The following ATP8A2 variants were observed in gnomAD, a reference collection of about 807,000 sequenced individuals.
ATP8A2 encodes phospholipid-transporting ATPase IB.
A neutral mutation model predicts 165.6 loss-of-function variants in ATP8A2; 100 were observed. That is an observed-to-expected ratio of 0.60 (90% CI 0.51 to 0.71). The LOEUF is 0.71. Ranked by LOEUF, ATP8A2 falls within the 30% of genes least tolerant of loss-of-function variation. The pLI is 0.00. For synonymous variants in ATP8A2, 543 were observed against 548.8 expected (o/e 0.99, Z 0.15); for missense variants, 1,227 against 1,479.5 (o/e 0.83, Z 2.80).
intron 1 of ATP8A2, among the ~76,000 whole-genome samples, chr13:25,393,792 T>C (rs9511783): frequency 0.28 from 42,625 of 152,118 alleles, 6,623 homozygotes; most frequent in African/African-American, 0.41. Context: ...ATGTTGTGCA[T>C]GCCTTGACTA....
chr13:25,938,659 T>A (rs1566285633), intron 33 of ATP8A2, among the ~76,000 whole-genome samples: 1 of 152,130 alleles, frequency 6.6e-6, no homozygotes, highest in Non-Finnish European at 1.5e-5. Flanking sequence ...AAGCTGCTCA[T>A]CCACCATGGA....
intron 25 of ATP8A2, among the ~76,000 whole-genome samples, chr13:25,726,630 G>T (rs2138061549): frequency 6.6e-6 from 1 of 152,144 alleles, no homozygotes; most frequent in East Asian, 1.9e-4. Flanking sequence ...TGGACACTTG[G>T]AATTCCATTT....
chr13:25,754,363 G>T (rs1422308937), intron 25 of ATP8A2, among the ~76,000 whole-genome samples: 1 of 151,880 alleles, frequency 6.6e-6, no homozygotes, highest in Non-Finnish European at 1.5e-5. Flanking sequence ...CTTTCTGTTT[G>T]CATTTTAGGA....
At chr13:25,651,087 A>G (rs2041800510) in intron 24 of ATP8A2, among the ~76,000 whole-genome samples, 3 of 152,188 alleles carry the variant, frequency 2.0e-5, no homozygotes, top group African/African-American at 4.8e-5. Context: ...AATGCTTGAT[A>G]GAACTCACTT....
chr13:25,785,883 C>T (rs1446914510), intron 27 of ATP8A2, among the ~76,000 whole-genome samples: 1 of 152,176 alleles, frequency 6.6e-6, no homozygotes, highest in African/African-American at 2.4e-5. Context: ...TGACGTATCA[C>T]TACCATGATG....
rs769430654 is a variant in ATP8A2, at chr13:25,959,472, C to T, written c.3184-2103C>T. Among the ~76,000 whole-genome samples, 16 of 152,230 alleles carry T rather than the reference C, an allele frequency of 1.1e-4. No homozygotes were observed. The East Asian group carries it at 1.5e-3, about 15-fold the overall frequency. On this transcript the variant is annotated intron_variant, in intron 33 of 36. Transcript: ENST00000381655. ...TTGTAAAGGTAAGGAAATACCAAAA[C>T]GAGACTACAAAAATGATGGTATCTA...
intron 1 of ATP8A2, among the ~76,000 whole-genome samples, chr13:25,437,146 C>T (rs886259692): frequency 2.0e-5 from 3 of 152,072 alleles, no homozygotes; most frequent in African/African-American, 7.2e-5. Flanking sequence ...TTTTGATTTG[C>T]GTTTCTCTGA....
chr13:25,809,740 C>G (rs1404505379), intron 27 of ATP8A2, among the ~76,000 whole-genome samples: 9 of 152,100 alleles, frequency 5.9e-5, no homozygotes, highest in Admixed American at 2.0e-4. Context: ...TTACTTGTGT[C>G]CTCACTGGTC....
intron 2 of ATP8A2, among the ~76,000 whole-genome samples, chr13:25,516,611 G>A (rs2037479760): frequency 6.6e-6 from 1 of 152,074 alleles, no homozygotes; most frequent in Admixed American, 6.5e-5. Flanking sequence ...GTTGAGGCCA[G>A]ATATTTTTAT....
intron 27 of ATP8A2, among the ~76,000 whole-genome samples, chr13:25,788,848 C>T (rs2045097122): frequency 6.6e-6 from 1 of 152,166 alleles, no homozygotes; most frequent in South Asian, 2.1e-4. Flanking sequence ...AGAAATCATT[C>T]TCTGCACATC....
At chr13:25,731,297 A>AG (rs1555256723) in intron 25 of ATP8A2, among the ~76,000 whole-genome samples, 1 of 149,998 alleles carries the variant, frequency 6.7e-6, no homozygotes, top group African/African-American at 2.5e-5. Flanking sequence ...AGAGAGAGAG[A>AG]AAGAAAGAAA....
intron 27 of ATP8A2, among the ~76,000 whole-genome samples, chr13:25,796,486 GA>G (rs1950500930): frequency 6.6e-6 from 1 of 152,184 alleles, no homozygotes; most frequent in Non-Finnish European, 1.5e-5. Flanking sequence ...GGACACACAT[GA>G]AACCCATTTT....
chr13:25,545,795 C>G (rs535949097), intron 10 of ATP8A2, among the ~76,000 whole-genome samples: 1 of 152,104 alleles, frequency 6.6e-6, no homozygotes, highest in Non-Finnish European at 1.5e-5. Flanking sequence ...CCACCATGCC[C>G]GGCTAATTTT....
intron 2 of ATP8A2, among the ~76,000 whole-genome samples, chr13:25,523,736 G>A: frequency 6.6e-6 from 1 of 151,880 alleles, no homozygotes; most frequent in East Asian, 1.9e-4. Flanking sequence ...TCCATTTCTG[G>A]TTTTATTTGA....
At chr13:26,010,473 C>T (rs1177916405) in intron 35 of ATP8A2, among the ~76,000 whole-genome samples, 2 of 152,202 alleles carry the variant, frequency 1.3e-5, no homozygotes, top group African/African-American at 4.8e-5. Context: ...GTGAGGCTAC[C>T]CTGGGGCCAG....
intron 24 of ATP8A2, among the ~76,000 whole-genome samples, chr13:25,666,982 T>G (rs977403895): frequency 6.6e-6 from 1 of 152,202 alleles, no homozygotes; most frequent in Non-Finnish European, 1.5e-5. Flanking sequence ...CCAGCTTACT[T>G]TTTGTTATGG....
At position 25,716,939 on chromosome 13, in the gene ATP8A2, A is replaced by G. The variant is rs2043267612; in HGVS notation, c.2384+17594A>G. Among the ~76,000 whole-genome samples, 4 of 152,214 alleles carry G rather than the reference A, an allele frequency of 2.6e-5. 1 individual carries two copies. The South Asian group carries it at 8.3e-4, about 32-fold the overall frequency. On this transcript the variant is annotated intron_variant, in intron 25 of 36. Transcript: ENST00000381655. ...TGAATATATAAAGCATGAATTGCTT[A>G]TTTAGTTTTTTCCTTTAATTTCAAA...
At position 25,792,888 on chromosome 13, in the gene ATP8A2, CAAT is replaced by C. The variant is rs926556422; in HGVS notation, c.2679+17930_2679+17932del. Among the ~76,000 whole-genome samples, 44 of 146,216 alleles carry C rather than the reference CAAT, an allele frequency of 3.0e-4. 1 individual carries two copies. Among genetic ancestry groups the C allele is most frequent in the African/African-American group, 1.0e-3 (41 of 39,432 alleles). On this transcript the variant is annotated intron_variant, in intron 27 of 36. Transcript: ENST00000381655. ...GCAGTGAGCTATGATCACAGCACAA[CAAT>C]GAGACCCTGTCTCAAAAAAAAGAAA...
intron 24 of ATP8A2, among the ~76,000 whole-genome samples, chr13:25,634,259 C>T (rs116210505): frequency 0.01 from 1,556 of 152,070 alleles, 25 homozygotes; most frequent in African/African-American, 0.034. Flanking sequence ...CTCGAGGGAC[C>T]GAAGCTACAA....
Sources: gnomAD v4.1 joint callset for allele counts (sites outside exome capture counted in the v4.1 genomes callset) on GRCh38, gnomAD v4.1.1 for gene constraint, MANE v1.5 for transcripts, NCBI Gene and HGNC (gene_info 2026-07-23, HGNC 2026-07-21) for gene names.